NPAT: variants seen among roughly 807,000 people sequenced by gnomAD.
The protein encoded by NPAT is protein NPAT.
Under a neutral mutation model 130.7 loss-of-function variants are expected in NPAT, and 52 were observed. The ratio of observed to expected loss-of-function variants is 0.40; its 90% confidence interval spans 0.32 to 0.50. NPAT has a LOEUF of 0.50. NPAT is among the 20% of genes least tolerant of loss of function. The pLI is 0.68. For missense variants in NPAT, 1,687 were observed against 1,662.6 expected (o/e 1.01, Z -0.26); for synonymous variants, 580 against 584.8 (o/e 0.99, Z 0.12).
chr11:108,221,997 G>A (rs36220458), intron 1 of NPAT, among the ~76,000 whole-genome samples: 82 of 152,328 alleles, frequency 5.4e-4, no homozygotes, highest in Non-Finnish European at 8.4e-4. Context: ...CGTGGAGGAT[G>A]GAGAAGGAAG....
Position 108,161,834 on chromosome 11 carries a change from C to A in NPAT, c.3252G>T (p.Val1084=). Residue 1084 remains valine, a synonymous_variant, in exon 17 of 18, where the codon GTG becomes GTT. Coordinates refer to ENST00000278612, the MANE Select transcript of NPAT (RefSeq NM_002519.3). ...ANTQGPNHKM[V]SQNKERNAVS... ...CTGCATTCCTTTCTTTGTTTTGGGACACCATCTTATGGTTTGGCCCCTGCG... is the reference window on the plus strand; with the variant it reads ...CTGCATTCCTTTCTTTGTTTTGGGAAACCATCTTATGGTTTGGCCCCTGCG... 1 of 1,614,070 alleles carries A rather than the reference C, an allele frequency of 6.2e-7. No individual in the cohort carries two copies. Among genetic ancestry groups the A allele is most frequent in the Non-Finnish European group, 8.5e-7 (1 of 1,180,022 alleles).
chr11:108,173,651 C>G lies in NPAT; in HGVS notation c.1333G>C (p.Glu445Gln). 1 of 1,614,146 alleles carries G rather than the reference C, an allele frequency of 6.2e-7. No individual in the cohort carries two copies. Among genetic ancestry groups the G allele is most frequent in the Non-Finnish European group, 8.5e-7 (1 of 1,180,026 alleles). The change falls in exon 13 of 18, where the codon GAG (glutamate) becomes CAG (glutamine). Residue 445 changes from glutamate (E) to glutamine (Q), a missense_variant. Transcript: ENST00000278612. ...AAGTCATTCAAATTAGGCACGGACT[C>G]AAAGGTAATGTCAATGTCACACTTC... ...EQKCDIDITFESVPNLNDFNQ... is the reference protein window; with the variant it reads ...EQKCDIDITFQSVPNLNDFNQ...
At chr11:108,160,126 T>A (rs1420585541) in intron 17 of NPAT, among the ~76,000 whole-genome samples, 3 of 141,198 alleles carry the variant, frequency 2.1e-5, no homozygotes, top group Non-Finnish European at 4.6e-5. Flanking sequence ...CTCTAGTGGG[T>A]AACAGCGCAA....
chr11:108,176,081 T>C (rs1286663296), intron 12 of NPAT, among the ~76,000 whole-genome samples, 165 bp downstream of exon 12: 3 of 152,202 alleles, frequency 2.0e-5, no homozygotes, highest in Non-Finnish European at 4.4e-5. Context: ...TTTCTTTTAA[T>C]CAAACTACCA....
At chr11:108,206,295 C>T (rs1314215254) in intron 1 of NPAT, among the ~76,000 whole-genome samples, 3 of 152,146 alleles carry the variant, frequency 2.0e-5, no homozygotes, top group Non-Finnish European at 4.4e-5. Context: ...TTTGCTAGGG[C>T]CTGCTGGGTT....
At position 108,173,285 on chromosome 11, in the gene NPAT, A is replaced by G. The variant is rs1327298655; in HGVS notation, c.1699T>C (p.Ser567Pro). 6.2e-7 allele frequency: 1 copy of G among 1,612,022 alleles called. No homozygotes were observed. Among genetic ancestry groups the G allele is most frequent in the Non-Finnish European group, 8.5e-7 (1 of 1,178,630 alleles). ...TVKLKINFHG[S>P]KSSDSSEVHK... ...ACTTCACTAGAATCTGATGACTTGGAACCATGAAAATTAATTTTAAGTTTT... is the reference window on the plus strand; with the variant it reads ...ACTTCACTAGAATCTGATGACTTGGGACCATGAAAATTAATTTTAAGTTTT... The change falls in exon 13 of 18, where the codon TCC (serine) becomes CCC (proline). Residue 567 changes from serine to proline, a missense_variant. By Grantham distance (74) the Ser-to-Pro change is moderately conservative (BLOSUM62 -1). This residue lies in a region of NPAT where 1,379 missense variants were observed against 1,346.6 expected (regional missense o/e 1.02). Coordinates refer to ENST00000278612, the MANE Select transcript of NPAT (RefSeq NM_002519.3).
intron 1 of NPAT, among the ~76,000 whole-genome samples, chr11:108,221,680 G>T (rs972705932): frequency 6.6e-6 from 1 of 152,158 alleles, no homozygotes; most frequent in Non-Finnish European, 1.5e-5. Context: ...CGTCGCATAC[G>T]ACGTCCGTAA....
rs373165512 is a variant in NPAT, at chr11:108,172,748, C to A, written c.2236G>T (p.Asp746Tyr). Residue 746 changes from aspartate to tyrosine, a missense_variant, in exon 13 of 18, where the codon GAT (aspartate) becomes TAT (tyrosine). Physicochemically the swap from Asp to Tyr is radical, Grantham distance 160 (BLOSUM62 -3). Transcript: ENST00000278612. The stretch of plus-strand genomic sequence containing the variant: ...GTATCTGAGGAAACAAATGGATCAT[C>A]ACTAATGATAACTTTGAGAGAGACG... ...NIVSLKVIISDDPFVSSDTEL... is the reference protein window; with the variant it reads ...NIVSLKVIISYDPFVSSDTEL... 1 of 1,613,524 alleles carries A rather than the reference C, an allele frequency of 6.2e-7. No homozygotes were observed. Among genetic ancestry groups the A allele is most frequent in the African/African-American group, 1.3e-5 (1 of 75,026 alleles).
In NPAT at chr11:108,189,258, G is replaced by A; in HGVS notation, c.404C>T (p.Ala135Val). The A allele has an allele frequency of 1.9e-6, 3 of 1,614,174 alleles. No individual in the cohort carries two copies. Among genetic ancestry groups the A allele is most frequent in the South Asian group, 1.1e-5 (1 of 91,082 alleles). ...KLASQTAPASAELLTLPYLSG... is the reference protein window; with the variant it reads ...KLASQTAPASVELLTLPYLSG... ...AAGGTAAGGTAAAGTGAGCAACTCT[G>A]CACTGGCTGGAGCTGTTTGAGATGC... Residue 135 changes from alanine to valine, a missense_variant, in exon 6 of 18, where the codon GCA becomes GTA. Around this residue, in one of 3 missense-constraint regions of NPAT, gnomAD observed 307 missense variants for 298.9 expected, o/e 1.03. Transcript: ENST00000278612.
chr11:108,161,397 A>G lies in NPAT; in HGVS notation c.3689T>C (p.Leu1230Pro), dbSNP rs1406820951. 5 of 1,614,078 alleles carry G rather than the reference A, an allele frequency of 3.1e-6. No homozygotes were observed. The African/African-American group carries it at 6.7e-5, about 22-fold the overall frequency. ...GGCGGATTTAGTTTGTTCTTGTTTT[A>G]GATCCTTCACAGCTGTACCTACTGA... ...VLSVGTAVKDLKQEQTKSASS... is the reference protein window; with the variant it reads ...VLSVGTAVKDPKQEQTKSASS... Residue 1230 changes from leucine to proline, a missense_variant, in exon 17 of 18, where the codon CTA becomes CCA. This residue lies in a region of NPAT where 1,379 missense variants were observed against 1,346.6 expected (regional missense o/e 1.02). Transcript: ENST00000278612.
chr11:108,164,054 G>GA (rs1363309934), intron 15 of NPAT, among the ~76,000 whole-genome samples: 1 of 152,198 alleles, frequency 6.6e-6, no homozygotes, highest in Admixed American at 6.5e-5. Context: ...ATTTCTTTAA[G>GA]AAAGAAGGAT....
chr11:108,185,867 G>A (rs1057263194), intron 8 of NPAT, among the ~76,000 whole-genome samples: 5 of 152,140 alleles, frequency 3.3e-5, no homozygotes, highest in Non-Finnish European at 5.9e-5. Flanking sequence ...ATAGTAGCTG[G>A]GATTACGGGC....
intron 1 of NPAT, among the ~76,000 whole-genome samples, chr11:108,200,691 G>C (rs1457441701): frequency 2.0e-5 from 3 of 152,110 alleles, no homozygotes; most frequent in Non-Finnish European, 2.9e-5. Flanking sequence ...CTTAAACCCT[G>C]CAACAGCCCT....
At position 108,176,109 on chromosome 11, in the gene NPAT, T is replaced by C; in HGVS notation, c.1132+137A>G. ...AACTACCAAAGATTTATAATTGTTT[T>C]TAACAGAGAGAAAAATACAAAAATG... On this transcript the variant is annotated intron_variant, in intron 12 of 17. Transcript: ENST00000278612. The C allele has an allele frequency of 7.4e-6, 5 of 679,360 alleles. No homozygotes were observed. In the South Asian group the frequency reaches 9.2e-5, roughly 13 times the overall value. 42.1% of individuals were successfully genotyped at this position (679,360 alleles called of 1,614,324 possible). A position where few individuals can be genotyped will look rare whatever the true frequency, so the allele number is the denominator to read the frequency against.
At chr11:108,193,892 T>A in intron 3 of NPAT, 65 bp downstream of exon 3, 1 of 999,698 alleles carries the variant, frequency 1.0e-6, no homozygotes, top group Non-Finnish European at 1.6e-6. Flanking sequence ...GAAATCATTT[T>A]TAACTAAATC....
At chr11:108,208,331 G>A (rs1486913901) in intron 1 of NPAT, 13 of 352,484 alleles carry the variant, frequency 3.7e-5, no homozygotes, top group Non-Finnish European at 7.4e-5. Flanking sequence ...ACATGGCTGG[G>A]TGAAGTAGCT....
chr11:108,190,640 A>C, intron 4 of NPAT, 140 bp from the exon 5 acceptor site: 1 of 739,434 alleles, frequency 1.4e-6, no homozygotes, highest in Non-Finnish European at 2.4e-6. Flanking sequence ...ACAAACACAC[A>C]CATTTTTTGG....
In NPAT at chr11:108,161,746, C is replaced by T; in HGVS notation, c.3340G>A (p.Ala1114Thr). Residue 1114 changes from alanine to threonine, a missense_variant, in exon 17 of 18, where the codon GCT (alanine) becomes ACT (threonine). Physicochemically the swap from Ala to Thr is moderately conservative, Grantham distance 58. Coordinates refer to ENST00000278612, the MANE Select transcript of NPAT (RefSeq NM_002519.3). ...GGCTTCTCTTTCTCTCTTTTGATAG[C>T]ATTATTAGAAGGGGGTTTTAAGGTG... ...SSTLKPPSNN[A>T]IKREKEKPPL... 6.2e-7 allele frequency: 1 copy of T among 1,613,656 alleles called. No homozygotes were observed. Among genetic ancestry groups the T allele is most frequent in the Non-Finnish European group, 8.5e-7 (1 of 1,180,028 alleles).
rs1490136655 is a variant in NPAT, at chr11:108,173,070, A to C, written c.1914T>G (p.Asp638Glu). ...SLSSTKQPSN[D>E]SASVELNHTE... ...TATGATTTAACTCAACAGATGCTGA[A>C]TCATTAGATGGTTGTTTAGTAGAAG... Residue 638 changes from aspartate to glutamate, a missense_variant, in exon 13 of 18, where the codon GAT becomes GAG. Asp to Glu is a conservative substitution (Grantham distance 45). Coordinates refer to ENST00000278612, the MANE Select transcript of NPAT (RefSeq NM_002519.3). 2 of 1,613,980 alleles carry C rather than the reference A, an allele frequency of 1.2e-6. No homozygotes were observed. Among genetic ancestry groups the C allele is most frequent in the South Asian group, 1.1e-5 (1 of 91,078 alleles).
Sources: allele counts gnomAD v4.1 joint callset (sites outside exome capture counted in the v4.1 genomes callset), GRCh38; gene constraint gnomAD v4.1.1; regional missense constraint gnomAD v4.1.1; transcripts MANE v1.5; gene names NCBI Gene and HGNC (gene_info 2026-07-23, HGNC 2026-07-21).